Variants in UPB1 observed in about 807,000 individuals in gnomAD.
The protein encoded by UPB1 is beta-ureidopropionase.
Under a neutral mutation model 49.1 loss-of-function variants are expected in UPB1, and 40 were observed. The observed-to-expected ratio is 0.81, with a 90% CI of 0.63 to 1.06. The LOEUF (loss-of-function observed/expected upper bound fraction) is 1.06. UPB1 is among the 50% of genes least tolerant of loss of function. UPB1 has a pLI of 0.00. For synonymous variants in UPB1, 207 were observed against 198.2 expected, an observed-to-expected ratio of 1.04 and a Z score of -0.38; for missense variants, 499 against 505.9, an observed-to-expected ratio of 0.99 and a Z score of 0.13.
At chr22:24,495,553 G>A (rs768203308) in intron 1 of UPB1, 46 bp downstream of exon 1, 48 of 1,604,776 alleles carry the variant, frequency 3.0e-5, no homozygotes, top group African/African-American at 6.7e-5. Flanking sequence ...GGGCCACAGA[G>A]TGTGGGTCTG....
intron 3 of UPB1, among the ~76,000 whole-genome samples, chr22:24,504,211 G>A (rs1244976275): frequency 6.6e-6 from 1 of 152,194 alleles, no homozygotes; most frequent in African/African-American, 2.4e-5. Flanking sequence ...CATTTAGCTA[G>A]GGACTCTCAG....
chr22:24,515,296 C>G lies in UPB1; in HGVS notation c.717C>G (p.Pro239=). Residue 239 remains proline (P), a synonymous_variant, in exon 6 of 10, where the codon CCC becomes CCG. Transcript: ENST00000326010. ...AVNICYGRHH[P]LNWLMYSING... ...ACATTTGCTACGGGCGGCACCACCC[C>G]CTCAACTGGCTTATGTACAGCATCA... The G allele has an allele frequency of 6.2e-7, 1 of 1,614,188 alleles. No homozygotes were observed. Among genetic ancestry groups the G allele is most frequent in the Non-Finnish European group, 8.5e-7 (1 of 1,180,040 alleles).
intron 6 of UPB1, 107 bp downstream of exon 6, chr22:24,515,477 G>A: frequency 2.0e-6 from 3 of 1,466,560 alleles, no homozygotes; most frequent in Non-Finnish European, 2.8e-6. Flanking sequence ...CAGCCACCAG[G>A]ATGTTAACAG....
At chr22:24,513,273 TACA>T (rs749507115) in intron 4 of UPB1, 48 bp from the exon 5 acceptor site, 188 of 1,613,434 alleles carry the variant, frequency 1.2e-4, no homozygotes, top group Non-Finnish European at 1.5e-4. Flanking sequence ...GATAAAAAAC[TACA>T]ACAATTGGTT....
chr22:24,502,313 C>G, intron 3 of UPB1, 100 bp downstream of exon 3: 2 of 1,286,522 alleles, frequency 1.6e-6, no homozygotes. Context: ...AAAGAATCTC[C>G]TTTGTTTCCT....
At chr22:24,500,618 C>T (rs9612637) in intron 2 of UPB1, among the ~76,000 whole-genome samples, 31 of 152,356 alleles carry the variant, frequency 2.0e-4, no homozygotes, top group South Asian at 1.0e-3. Flanking sequence ...TGCCAGGAGG[C>T]GGCCAGCCAG....
Position 24,515,388 on chromosome 22 carries a change from G to A in UPB1, c.791+18G>A. 4 of 1,614,022 alleles carry A rather than the reference G, an allele frequency of 2.5e-6. No individual in the cohort carries two copies. The highest frequency in any genetic ancestry group is 3.4e-6 in the Non-Finnish European group (4 of 1,179,924). On this transcript the variant is annotated intron_variant, in intron 6 of 9. Coordinates refer to ENST00000326010, the MANE Select transcript of UPB1 (RefSeq NM_016327.3). ...GCACTCAGGTCACTCAGTTGGTGGG[G>A]TCTGGGGGGCTTCCTGGGGCCCAGC...
intron 6 of UPB1, among the ~76,000 whole-genome samples, chr22:24,516,280 A>G (rs11704820): frequency 0.41 from 61,459 of 151,712 alleles, 12,749 homozygotes; most frequent in South Asian, 0.55. Flanking sequence ...TTGTCAAGGC[A>G]GGGCTGGGGG....
chr22:24,515,611 CT>C (rs2044281067), intron 6 of UPB1, among the ~76,000 whole-genome samples: 1 of 152,258 alleles, frequency 6.6e-6, no homozygotes. Flanking sequence ...ACACCAACCT[CT>C]GCTGTGATTC....
At chr22:24,505,553 C>G (rs2044074378) in intron 3 of UPB1, among the ~76,000 whole-genome samples, 1 of 152,212 alleles carries the variant, frequency 6.6e-6, no homozygotes, top group Admixed American at 6.5e-5. Context: ...TGTTTTGACA[C>G]TTCACTTGCT....
intron 4 of UPB1, among the ~76,000 whole-genome samples, chr22:24,512,622 T>C (rs1017350574): frequency 6.6e-6 from 1 of 152,214 alleles, no homozygotes; most frequent in African/African-American, 2.4e-5. Context: ...ATTCACACTG[T>C]GCGGATCTCC....
chr22:24,512,420 T>G lies in UPB1; in HGVS notation c.460-904T>G, dbSNP rs2044222388. On this transcript the variant is annotated intron_variant, in intron 4 of 9. Coordinates refer to ENST00000326010, the MANE Select transcript of UPB1 (RefSeq NM_016327.3). ...GTAGAGGACAAATGACCCGCTGGGC[T>G]GCTCATCCTGTGGTCACCAGGGACT... 2.0e-5 allele frequency among the ~76,000 whole-genome samples: 3 copies of G among 152,216 alleles called. No individual in the cohort carries two copies. The South Asian group carries it at 6.2e-4, about 32-fold the overall frequency.
intron 3 of UPB1, among the ~76,000 whole-genome samples, chr22:24,509,361 G>GAAAAAA (rs202081655): frequency 8.7e-5 from 8 of 92,164 alleles, no homozygotes; most frequent in African/African-American, 1.9e-4. Flanking sequence ...CCTACTGTTT[G>GAAAAAA]AAAAAAAAAA....
intron 6 of UPB1, among the ~76,000 whole-genome samples, chr22:24,519,199 A>C (rs576118173): frequency 1.3e-5 from 2 of 152,298 alleles, no homozygotes; most frequent in East Asian, 3.9e-4. Context: ...GAGTCCCCTC[A>C]ATCAAGCCTG....
At chr22:24,506,539 A>G (rs1223329977) in intron 3 of UPB1, among the ~76,000 whole-genome samples, 1 of 152,156 alleles carries the variant, frequency 6.6e-6, no homozygotes, top group Non-Finnish European at 1.5e-5. Flanking sequence ...TCAGTGCACC[A>G]TCCTTGTTGG....
chr22:24,519,303 G>C (rs887799088), intron 6 of UPB1, among the ~76,000 whole-genome samples: 3 of 152,066 alleles, frequency 2.0e-5, no homozygotes, highest in African/African-American at 7.2e-5. Context: ...TTTAAACCAG[G>C]TGCCTGCTGA....
In UPB1 at chr22:24,496,701, G is replaced by A. The variant is rs144471877; in HGVS notation, c.104+1194G>A. 3.6e-3 allele frequency among the ~76,000 whole-genome samples: 547 copies of A among 152,284 alleles called. 3 individuals are homozygous for A. The highest frequency in any genetic ancestry group is 0.02 in the Middle Eastern group (6 of 294). ...GATGGTCATTCCAGGTGAAGGAGGA[G>A]CAGGTACAAAAGAGGGCGCTGGAGA... On this transcript the variant is annotated intron_variant, in intron 1 of 9. Coordinates refer to ENST00000326010, the MANE Select transcript of UPB1 (RefSeq NM_016327.3).
At chr22:24,495,533 T>C (rs757403543) in intron 1 of UPB1, 26 bp downstream of exon 1, 1 of 1,611,584 alleles carries the variant, frequency 6.2e-7, no homozygotes, top group Admixed American at 1.7e-5. Flanking sequence ...GCTAAGCTAA[T>C]GGGGTCTTGG....
At chr22:24,500,388 G>T (rs1430089911) in intron 2 of UPB1, 110 bp downstream of exon 2, 3 of 1,469,144 alleles carry the variant, frequency 2.0e-6, no homozygotes, top group South Asian at 1.2e-5. Flanking sequence ...AGGCTTGGGC[G>T]CCTCAAGCAG....
Sources: gnomAD v4.1 joint callset for allele counts (sites outside exome capture counted in the v4.1 genomes callset) on GRCh38, gnomAD v4.1.1 for gene constraint, MANE v1.5 for transcripts, NCBI Gene and HGNC (gene_info 2026-07-23, HGNC 2026-07-21) for gene names.